The following ENGASE variants were observed in gnomAD, a reference collection of about 807,000 sequenced individuals.
ENGASE encodes the protein endo-beta-N-acetylglucosaminidase.
A neutral mutation model predicts 78.5 loss-of-function variants in ENGASE; 69 were observed. That is an observed-to-expected ratio of 0.88 (90% CI 0.72 to 1.07). The LOEUF (loss-of-function observed/expected upper bound fraction) is 1.07. ENGASE is among the 50% of genes least tolerant of loss of function. The probability of loss-of-function intolerance (pLI) is 0.00; values close to 1 mark genes in which losing one functional copy is unlikely to be tolerated. For missense variants in ENGASE, 943 were observed against 988.4 expected, an observed-to-expected ratio of 0.95 and a Z score of 0.62; for synonymous variants, 408 against 408.9, an observed-to-expected ratio of 1.00 and a Z score of 0.03.
At position 79,077,784 on chromosome 17, in the gene ENGASE, G is replaced by A. The variant is rs368771548; in HGVS notation, c.336G>A (p.Ala112=). The A allele has an allele frequency of 3.4e-5, 55 of 1,614,116 alleles. 1 individual carries two copies. In the Middle Eastern group the frequency reaches 3.1e-3, roughly 92 times the overall value. ...TTAATGTGGCCCTGGAGCCCCTGGCGTGTCGCCAGCCCCCTCTGAGCAGCC... is the reference window on the plus strand; with the variant it reads ...TTAATGTGGCCCTGGAGCCCCTGGCATGTCGCCAGCCCCCTCTGAGCAGCC... The part of the protein sequence containing the change: ...DGFNVALEPL[A]CRQPPLSSQR... Residue 112 remains alanine (A), a synonymous_variant, in exon 3 of 14, where the codon GCG becomes GCA. Coordinates refer to ENST00000579016, the MANE Select transcript of ENGASE (RefSeq NM_001042573.3).
chr17:79,085,888 C>A (rs758412920), intron 13 of ENGASE, 45 bp from the exon 14 acceptor site: 7 of 1,573,642 alleles, frequency 4.4e-6, no homozygotes, highest in Non-Finnish European at 5.2e-6. Context: ...GCACCCTCTC[C>A]CCGCCCCCGG....
In ENGASE at chr17:79,075,023, G is replaced by C; in HGVS notation, c.79G>C (p.Glu27Gln). ...RRQLQGLAAP[E>Q]AGTQEEQEDQ... is the part of the protein sequence containing the mutation. ...GCAGCTGCAGGGGCTGGCGGCCCCG[G>C]AGGCGGGGACGCAGGAGGAGCAGGA... Residue 27 changes from glutamate (E) to glutamine (Q), a missense_variant, in exon 1 of 14, where the codon GAG becomes CAG. Glu to Gln is a conservative substitution (Grantham distance 29). Transcript: ENST00000579016. 1 of 1,210,202 alleles carries C rather than the reference G, an allele frequency of 8.3e-7. No individual in the cohort carries two copies. Among genetic ancestry groups the C allele is most frequent in the Non-Finnish European group, 1.0e-6 (1 of 971,590 alleles). The allele number at this position is 1,210,202 out of a possible 1,614,324, so 75.0% of individuals were successfully genotyped here.
chr17:79,077,535 A>G (rs2072997969), intron 2 of ENGASE, 38 bp downstream of exon 2: 1 of 1,545,252 alleles, frequency 6.5e-7, no homozygotes, highest in Non-Finnish European at 8.7e-7. Flanking sequence ...ATCCACCTTC[A>G]CACCTGGGGC....
Position 79,081,991 on chromosome 17 carries a change from G to A in ENGASE, c.966G>A (p.Arg322=), listed in dbSNP as rs541406332. ...ERMLGQAGER[R]ADVYVGVDVF... ...TGCTGGGGCAGGCTGGGGAGCGCCG[G>A]GCTGATGTGTACGTGGGCGTGGATG... Residue 322 remains arginine (R), a synonymous_variant, in exon 7 of 14, where the codon CGG becomes CGA. Transcript: ENST00000579016. The A allele has an allele frequency of 6.2e-5, 100 of 1,614,218 alleles. No individual in the cohort carries two copies. In the South Asian group the frequency reaches 1.0e-3, roughly 17 times the overall value.
At chr17:79,081,319 G>A (rs932689505) in intron 6 of ENGASE, among the ~76,000 whole-genome samples, 1 of 152,150 alleles carries the variant, frequency 6.6e-6, no homozygotes, top group African/African-American at 2.4e-5. Context: ...TGGCTAACAC[G>A]GTGAAACTCC....
intron 1 of ENGASE, among the ~76,000 whole-genome samples, chr17:79,075,308 CGT>C (rs889888732): frequency 3.9e-5 from 6 of 152,200 alleles, no homozygotes. Context: ...GGCCCCCGTG[CGT>C]GACCCCTGCC....
chr17:79,083,805 C>T lies in ENGASE; in HGVS notation c.1296C>T (p.Ile432=). 6.2e-7 allele frequency: 1 copy of T among 1,612,226 alleles called. No individual in the cohort carries two copies. Among genetic ancestry groups the T allele is most frequent in the Non-Finnish European group, 8.5e-7 (1 of 1,179,386 alleles). The change falls in exon 10 of 14, where the codon ATC becomes ATT. Residue 432 remains isoleucine (I), a synonymous_variant. Coordinates refer to ENST00000579016, the MANE Select transcript of ENGASE (RefSeq NM_001042573.3). This position sits in a 1 kb window ranked among gnomAD's most constrained non-coding sequence, Gnocchi z 4.9. ...GGTACCACCTGAGCGCCCAGGAGAT[C>T]CAGCCCTTGTTTGGAGAACACAGGC... ...GPWYHLSAQE[I]QPLFGEHRLG...
Position 79,079,573 on chromosome 17 carries a change from C to A in ENGASE, c.501C>A (p.His167Gln), listed in dbSNP as rs1308131978. ...CIDVFVYFSH[H>Q]TVTIPPVGWT... ...ACGTCTTTGTGTACTTCAGCCACCACACCGTCACCATTCCCCCAGTGGGCT... is the reference window on the plus strand; with the variant it reads ...ACGTCTTTGTGTACTTCAGCCACCAAACCGTCACCATTCCCCCAGTGGGCT... The change falls in exon 4 of 14, where the codon CAC becomes CAA. Residue 167 changes from histidine to glutamine, a missense_variant. His to Gln is a conservative substitution (Grantham distance 24). Coordinates refer to ENST00000579016, the MANE Select transcript of ENGASE (RefSeq NM_001042573.3). 6.2e-7 allele frequency: 1 copy of A among 1,614,016 alleles called. No homozygotes were observed. Among genetic ancestry groups the A allele is most frequent in the African/African-American group, 1.3e-5 (1 of 74,922 alleles).
rs532548973 is a variant in ENGASE, at chr17:79,085,261, G to A, written c.1619G>A (p.Arg540Gln). The change falls in exon 12 of 14, where the codon CGA becomes CAA. Residue 540 changes from arginine (R) to glutamine (Q), a missense_variant. Transcript: ENST00000579016. ...GAAACAAGCTCAAGACACAGCCTCCGACCCCTCCGGGTGCCCCCCACCAAG... is the reference window on the plus strand; with the variant it reads ...GAAACAAGCTCAAGACACAGCCTCCAACCCCTCCGGGTGCCCCCCACCAAG... ...NAETSSRHSLRPLRVPPTKLA... is the reference protein window; with the variant it reads ...NAETSSRHSLQPLRVPPTKLA... 9.9e-6 allele frequency: 16 copies of A among 1,613,496 alleles called. 1 individual carries two copies. Among genetic ancestry groups the A allele is most frequent in the South Asian group, 5.5e-5 (5 of 91,072 alleles).
At chr17:79,080,787 G>A (rs1318666291) in intron 5 of ENGASE, 138 bp from the exon 6 acceptor site, 12 of 1,165,556 alleles carry the variant, frequency 1.0e-5, no homozygotes, top group African/African-American at 6.2e-5. Flanking sequence ...GGGCTGTGGC[G>A]GGGAGGGCCT....
rs372546941 is a variant in ENGASE, at chr17:79,077,764, G to C, written c.316G>C (p.Val106Leu). ...GCCCCGCTTGGAGGATGGCTTTAAT[G>C]TGGCCCTGGAGCCCCTGGCGTGTCG... Reference protein sequence around the residue: ...WKPRLEDGFNVALEPLACRQP... With the variant: ...WKPRLEDGFNLALEPLACRQP... Residue 106 changes from valine to leucine, a missense_variant, in exon 3 of 14, where the codon GTG (valine) becomes CTG (leucine). Val to Leu is a conservative substitution (Grantham distance 32). Transcript: ENST00000579016. 1.2e-6 allele frequency: 2 copies of C among 1,614,054 alleles called. No individual in the cohort carries two copies. Among genetic ancestry groups the C allele is most frequent in the African/African-American group, 1.3e-5 (1 of 74,946 alleles).
rs973429470 is a variant in ENGASE at position 79,082,543 on chromosome 17, A to G, written c.1039-477A>G. ...CAGGTCACACCAGCACAGAGGAAGG[A>G]GCGGGGCCAGGCCGGTGCCCCTGGC... is the stretch of plus-strand genomic sequence containing the variant. On this transcript the variant is annotated intron_variant, in intron 7 of 13. Coordinates refer to ENST00000579016, the MANE Select transcript of ENGASE (RefSeq NM_001042573.3). 4 of 1,218,418 alleles carry G rather than the reference A, an allele frequency of 3.3e-6. No individual in the cohort carries two copies. In the African/African-American group the frequency reaches 4.7e-5, roughly 14 times the overall value. 75.5% of individuals were successfully genotyped at this position (1,218,418 alleles called of 1,614,324 possible). A position where few individuals can be genotyped will look rare whatever the true frequency, so the allele number is the denominator to read the frequency against.
chr17:79,084,044 A>G, intron 10 of ENGASE, 93 bp downstream of exon 10: 1 of 1,145,962 alleles, frequency 8.7e-7, no homozygotes, highest in South Asian at 1.4e-5. Flanking sequence ...GGAGGCCAGA[A>G]CAAGGACAGA....
Position 79,081,885 on chromosome 17 carries a change from T to G in ENGASE, c.873-13T>G. Reference sequence around the variant, plus strand: ...GGGCCTGGGCCTCACAGCAGGTCCTTGTTGCTTCTCAGGGTCTTCTTTGAT... The same window carrying G: ...GGGCCTGGGCCTCACAGCAGGTCCTGGTTGCTTCTCAGGGTCTTCTTTGAT... On this transcript the variant is annotated splice_polypyrimidine_tract_variant and intron_variant, in intron 6 of 13. Coordinates refer to ENST00000579016, the MANE Select transcript of ENGASE (RefSeq NM_001042573.3). 6.2e-7 allele frequency: 1 copy of G among 1,604,192 alleles called. No homozygotes were observed. Among genetic ancestry groups the G allele is most frequent in the Non-Finnish European group, 8.5e-7 (1 of 1,174,230 alleles).
At chr17:79,080,868 C>A in intron 5 of ENGASE, 57 bp from the exon 6 acceptor site, 1 of 1,565,144 alleles carries the variant, frequency 6.4e-7, no homozygotes, top group Non-Finnish European at 8.7e-7. Flanking sequence ...CTGGATACTT[C>A]TCATGATAGA....
At position 79,085,915 on chromosome 17, in the gene ENGASE, A is replaced by AT. The variant is rs766700593; in HGVS notation, c.1816-18_1816-17insT. The AT allele has an allele frequency of 6.3e-7, 1 of 1,586,994 alleles. No homozygotes were observed. Among genetic ancestry groups the AT allele is most frequent in the Non-Finnish European group, 8.5e-7 (1 of 1,170,782 alleles). The stretch of plus-strand genomic sequence containing the variant: ...CGCCCCCGGGCGTCCAGCCGTGCTG[A>AT]GCCTTCTCTCCTGCCAGGTGGTGGA... On this transcript the variant is annotated splice_polypyrimidine_tract_variant and intron_variant, in intron 13 of 13. Coordinates refer to ENST00000579016, the MANE Select transcript of ENGASE (RefSeq NM_001042573.3).
At chr17:79,080,134 C>T in intron 4 of ENGASE, 73 bp from the exon 5 acceptor site, 2 of 1,513,088 alleles carry the variant, frequency 1.3e-6, no homozygotes, top group Admixed American at 2.2e-5. Flanking sequence ...GGTTCGAGAA[C>T]CTCGCTTTGA....
rs780355438 is a variant in ENGASE at position 79,083,492 on chromosome 17, C to T, written c.1153C>T (p.Arg385Ter). ...CCATGTCTCTGGCAGGTTCTGGGGC[C>T]GACTGGAGCGTTATCTGCCCACACA... ...FFQNQDKFWG[R>*]LERYLPTHSI... Residue 385 changes from arginine (R) to a stop codon, truncating the protein, a stop_gained, in exon 9 of 14, where the codon CGA (arginine) becomes TGA (stop). Coordinates refer to ENST00000579016, the MANE Select transcript of ENGASE (RefSeq NM_001042573.3). LOFTEE classifies it high-confidence loss of function. The surrounding 1 kb of genome is among the most constrained non-coding windows in gnomAD (Gnocchi z 4.9). The T allele has an allele frequency of 1.2e-5, 19 of 1,613,956 alleles. No individual in the cohort carries two copies. Among genetic ancestry groups the T allele is most frequent in the South Asian group, 8.8e-5 (8 of 91,058 alleles).
In ENGASE at chr17:79,083,097, G is replaced by A. The variant is rs188871787; in HGVS notation, c.1116G>A (p.Lys372=). The change falls in exon 8 of 14, where the codon AAG becomes AAA. Residue 372 remains lysine, a synonymous_variant. Transcript: ENST00000579016. This position sits in a 1 kb window ranked among gnomAD's most constrained non-coding sequence, Gnocchi z 4.9. The part of the protein sequence containing the change: ...APGWVYECLE[K]KDFFQNQDKF... ...GCTGGGTGTATGAGTGTCTGGAGAA[G>A]AAGGATTTCTTCCAGAACCAGGACA... 1,347 of 1,613,908 alleles carry A rather than the reference G, an allele frequency of 8.3e-4. 2 individuals are homozygous for A. The highest frequency in any genetic ancestry group is 1.1e-3 in the Non-Finnish European group (1,249 of 1,179,896).
Sources: allele counts gnomAD v4.1 joint callset (sites outside exome capture counted in the v4.1 genomes callset), GRCh38; gene constraint gnomAD v4.1.1; non-coding constraint Gnocchi (gnomAD v3.1); transcripts MANE v1.5; gene names NCBI Gene and HGNC (gene_info 2026-07-23, HGNC 2026-07-21).